EYA2: variants seen among roughly 807,000 people sequenced by gnomAD.
EYA2 encodes the protein EYA transcriptional coactivator and phosphatase 2.
In EYA2, 31 loss-of-function variants were observed where a neutral mutation model predicts 69.2. The ratio of observed to expected loss-of-function variants is 0.45; its 90% CI spans 0.34 to 0.60. The LOEUF (loss-of-function observed/expected upper bound fraction) is 0.60, where lower values mean the gene tolerates loss of function less well. Ranked by LOEUF, EYA2 falls within the 20% of genes least tolerant of loss-of-function variation. EYA2 has a pLI of 0.02. For missense variants in EYA2, 622 were observed against 701.2 expected, an observed-to-expected ratio of 0.89 and a Z score of 1.28; for synonymous variants, 257 against 279.4, an observed-to-expected ratio of 0.92 and a Z score of 0.80.
intron 1 of EYA2, among the ~76,000 whole-genome samples, chr20:46,917,436 A>G (rs1281499872): frequency 1.3e-5 from 2 of 152,244 alleles, no homozygotes; most frequent in African/African-American, 4.8e-5. Flanking sequence ...CATGACTCTC[A>G]GGCTGCACAA....
In EYA2 at chr20:47,057,510, A is replaced by ACCC. The variant is rs796462817; in HGVS notation, c.416-14665_416-14663dup. Among the ~76,000 whole-genome samples the ACCC allele has an allele frequency of 1.0e-3, 97 of 94,828 alleles. 1 individual carries two copies. The highest frequency in any genetic ancestry group is 2.8e-3 in the South Asian group (8 of 2,808). The allele number at this position is 94,828 out of a possible 152,430, so 62.2% of individuals were successfully genotyped here. ...TTATCTGCTGACTACTTTTTATATC[A>ACCC]CCCCCCCCCCCCATCTCATACCTCC... On this transcript the variant is annotated intron_variant, in intron 5 of 15. Coordinates refer to ENST00000327619, the MANE Select transcript of EYA2 (RefSeq NM_005244.5).
chr20:46,970,784 TG>T (rs1394336865), intron 1 of EYA2, among the ~76,000 whole-genome samples: 1 of 152,240 alleles, frequency 6.6e-6, no homozygotes, highest in East Asian at 1.9e-4. Flanking sequence ...ACAGAGTTTT[TG>T]TTAAACCATT....
chr20:46,907,405 G>T (rs1470706563), intron 1 of EYA2, among the ~76,000 whole-genome samples: 1 of 152,244 alleles, frequency 6.6e-6, no homozygotes, highest in Non-Finnish European at 1.5e-5. Flanking sequence ...ATCTGTCCAG[G>T]TGAGGAAGCA....
intron 1 of EYA2, among the ~76,000 whole-genome samples, chr20:46,950,470 GA>G (rs1476732878): frequency 1.3e-5 from 2 of 152,160 alleles, no homozygotes; most frequent in Non-Finnish European, 2.9e-5. Flanking sequence ...GAGCTGTGGG[GA>G]AATCATGAGG....
intron 7 of EYA2, among the ~76,000 whole-genome samples, chr20:47,077,883 C>T (rs1004229739): frequency 6.6e-6 from 1 of 152,054 alleles, no homozygotes; most frequent in Non-Finnish European, 1.5e-5. Flanking sequence ...GTGGTTCTTC[C>T]GATCTCATTT....
intron 1 of EYA2, among the ~76,000 whole-genome samples, chr20:46,896,553 A>C (rs1341109246): frequency 1.3e-5 from 2 of 152,206 alleles, no homozygotes; most frequent in Non-Finnish European, 2.9e-5. Flanking sequence ...AAGCCCCTTC[A>C]TCCTTTACAT....
intron 15 of EYA2, among the ~76,000 whole-genome samples, chr20:47,185,339 C>A (rs1255932813): frequency 9.1e-6 from 1 of 109,464 alleles, no homozygotes; most frequent in African/African-American, 3.5e-5. Flanking sequence ...CTCACTGTGT[C>A]GCCCAGGCTG....
At chr20:47,000,158 A>G (rs922030404) in intron 2 of EYA2, among the ~76,000 whole-genome samples, 6 of 152,234 alleles carry the variant, frequency 3.9e-5, no homozygotes, top group African/African-American at 1.4e-4. Flanking sequence ...CCTTTCTCAC[A>G]GGGTACTTAT....
chr20:46,918,492 G>C (rs927985782), intron 1 of EYA2, among the ~76,000 whole-genome samples: 4 of 152,064 alleles, frequency 2.6e-5, no homozygotes, highest in African/African-American at 9.7e-5. Context: ...TAGTTTAGTA[G>C]AGACGGGTTT....
chr20:46,933,334 T>C (rs1056424973), intron 1 of EYA2, among the ~76,000 whole-genome samples: 1 of 152,146 alleles, frequency 6.6e-6, no homozygotes, highest in Non-Finnish European at 1.5e-5. Flanking sequence ...AGAACATCCG[T>C]GCAAAGAGGC....
At chr20:47,149,862 A>C (rs1036465358) in intron 10 of EYA2, among the ~76,000 whole-genome samples, 3 of 152,160 alleles carry the variant, frequency 2.0e-5, no homozygotes, top group African/African-American at 7.2e-5. Flanking sequence ...AAAATAAGTA[A>C]ATAAATACAT....
At chr20:46,911,604 G>A (rs1984645239) in intron 1 of EYA2, among the ~76,000 whole-genome samples, 8 of 152,228 alleles carry the variant, frequency 5.3e-5, no homozygotes. Flanking sequence ...TCTTAGCTGA[G>A]TGAGGCCATG....
intron 5 of EYA2, among the ~76,000 whole-genome samples, chr20:47,041,584 C>T (rs974487688): frequency 6.6e-6 from 1 of 152,194 alleles, no homozygotes; most frequent in African/African-American, 2.4e-5. Flanking sequence ...AGTTGCAGTG[C>T]CAGGTTCTGA....
In EYA2 at chr20:46,994,815, T is replaced by C. The variant is rs57302118; in HGVS notation, c.109+4696T>C. Among the ~76,000 whole-genome samples the C allele has an allele frequency of 3.3e-3, 503 of 152,148 alleles. 1 individual carries two copies. Among genetic ancestry groups the C allele is most frequent in the African/African-American group, 0.012 (484 of 41,452 alleles). On this transcript the variant is annotated intron_variant, in intron 2 of 15. Coordinates refer to ENST00000327619, the MANE Select transcript of EYA2 (RefSeq NM_005244.5). The stretch of plus-strand genomic sequence containing the variant: ...GCCTCCACAGGTAAAGAGCTTCCAC[T>C]GATGGCAGTAGCTCACAAATGTCAT...
chr20:47,025,060 A>G (rs997597791), intron 5 of EYA2, among the ~76,000 whole-genome samples: 2 of 152,188 alleles, frequency 1.3e-5, no homozygotes, highest in Admixed American at 6.5e-5. Context: ...GCCAATTTTT[A>G]TGCATTTTGC....
chr20:47,151,796 C>G (rs1202172328), intron 10 of EYA2, among the ~76,000 whole-genome samples: 1 of 151,918 alleles, frequency 6.6e-6, no homozygotes, highest in Non-Finnish European at 1.5e-5. Flanking sequence ...TTCTGTGTTC[C>G]CCACCAGCTG....
chr20:46,917,213 T>C (rs1358361106), intron 1 of EYA2, among the ~76,000 whole-genome samples: 6 of 152,206 alleles, frequency 3.9e-5, no homozygotes, highest in Non-Finnish European at 7.3e-5. Flanking sequence ...TCTTTTCAAC[T>C]AGGACTGTTT....
intron 9 of EYA2, among the ~76,000 whole-genome samples, chr20:47,109,670 AC>A (rs553400676): frequency 8.7e-4 from 133 of 152,242 alleles, no homozygotes; most frequent in African/African-American, 3.0e-3. Flanking sequence ...AGCATGAGGC[AC>A]CACACCCTGC....
At chr20:47,098,448 A>T (rs998552951) in intron 9 of EYA2, among the ~76,000 whole-genome samples, 1 of 152,248 alleles carries the variant, frequency 6.6e-6, no homozygotes, top group African/African-American at 2.4e-5. Flanking sequence ...TTGCCCTTAG[A>T]GGCAGCCTGC....
Sources: gnomAD v4.1 joint callset for allele counts (sites outside exome capture counted in the v4.1 genomes callset) on GRCh38, gnomAD v4.1.1 for gene constraint, MANE v1.5 for transcripts, NCBI Gene and HGNC (gene_info 2026-07-23, HGNC 2026-07-21) for gene names.